The following ALPK2 variants were observed in gnomAD, a reference collection of about 807,000 sequenced individuals.
The protein encoded by ALPK2 is alpha-protein kinase 2.
In ALPK2, 127 loss-of-function variants were observed where a neutral mutation model predicts 163.1. The ratio of observed to expected loss-of-function variants is 0.78; its 90% CI spans 0.67 to 0.90. The LOEUF is 0.90. Among genes scored for constraint, ALPK2 ranks in the 40% least tolerant of loss-of-function variants. ALPK2 has a pLI of 0.00. For synonymous variants in ALPK2, 953 were observed against 959.1 expected, an observed-to-expected ratio of 0.99 and a Z score of 0.12; for missense variants, 2,360 against 2,589.6, an observed-to-expected ratio of 0.91 and a Z score of 1.92.
At chr18:58,516,278 G>A (rs2051521198) in intron 9 of ALPK2, among the ~76,000 whole-genome samples, 1 of 151,766 alleles carries the variant, frequency 6.6e-6, no homozygotes, top group South Asian at 2.1e-4. Context: ...GTGGATAGGA[G>A]GAGGAAGGAG....
At chr18:58,593,132 G>A (rs1259288272) in intron 3 of ALPK2, among the ~76,000 whole-genome samples, 1 of 152,184 alleles carries the variant, frequency 6.6e-6, no homozygotes, top group Non-Finnish European at 1.5e-5. Flanking sequence ...CTATGGACTT[G>A]GGGTGATGAT....
chr18:58,572,200 TCAC>T (rs2051889451), intron 4 of ALPK2, among the ~76,000 whole-genome samples: 1 of 152,146 alleles, frequency 6.6e-6, no homozygotes, highest in Admixed American at 6.5e-5. Context: ...CAATGGGATA[TCAC>T]CACACACATA....
At chr18:58,541,170 G>A (rs2051687669) in intron 4 of ALPK2, among the ~76,000 whole-genome samples, 1 of 152,244 alleles carries the variant, frequency 6.6e-6, no homozygotes, top group African/African-American at 2.4e-5. Context: ...GGTTCCACCG[G>A]CTATACAGGA....
intron 4 of ALPK2, chr18:58,544,585 A>C (rs1305599570): frequency 1.3e-5 from 2 of 152,254 alleles, no homozygotes; most frequent in Non-Finnish European, 2.9e-5. Flanking sequence ...CTAATAGCCA[A>C]GTGGATGAAA....
intron 3 of ALPK2, among the ~76,000 whole-genome samples, chr18:58,605,291 C>T (rs1292071953): frequency 2.0e-5 from 3 of 152,142 alleles, no homozygotes; most frequent in African/African-American, 7.2e-5. Flanking sequence ...TAATTGTGGC[C>T]TATTTTTGCA....
At chr18:58,581,996 A>T (rs561941577) in intron 3 of ALPK2, among the ~76,000 whole-genome samples, 1 of 152,282 alleles carries the variant, frequency 6.6e-6, no homozygotes, top group East Asian at 1.9e-4. Flanking sequence ...CCCAGCTCAC[A>T]TATGTCTCAT....
rs1192567711 is a variant in ALPK2 at position 58,536,699 on chromosome 18, G to A, written c.3488C>T (p.Ala1163Val). ...GGGCACCAAGTTTCTTTCCTCTTGT[G>A]CAGCAGATGTCGTAGGCAAACTTTG... ...FQQSLPTTSAAQEERNLVPTA... is the reference protein window; with the variant it reads ...FQQSLPTTSAVQEERNLVPTA... The change falls in exon 5 of 13, where the codon GCA becomes GTA. Residue 1163 changes from alanine to valine, a missense_variant. Coordinates refer to ENST00000361673, the MANE Select transcript of ALPK2 (RefSeq NM_052947.4). The A allele has an allele frequency of 1.9e-6, 3 of 1,614,042 alleles. No individual in the cohort carries two copies. Among genetic ancestry groups the A allele is most frequent in the Non-Finnish European group, 2.5e-6 (3 of 1,180,020 alleles).
chr18:58,485,765 T>G (rs2051335580), intron 12 of ALPK2, among the ~76,000 whole-genome samples: 1 of 150,686 alleles, frequency 6.6e-6, no homozygotes, highest in Non-Finnish European at 1.5e-5. Context: ...TCAGGATGGA[T>G]GGTTTAATCC....
intron 3 of ALPK2, among the ~76,000 whole-genome samples, chr18:58,606,857 A>T (rs533724511): frequency 6.6e-6 from 1 of 152,232 alleles, no homozygotes; most frequent in Non-Finnish European, 1.5e-5. Flanking sequence ...ATCACTGTAC[A>T]GGACCATACT....
In ALPK2 at chr18:58,537,745, C is replaced by T. The variant is rs3809971; in HGVS notation, c.2442G>A (p.Thr814=). 0.52 allele frequency: 835,336 copies of T among 1,603,916 alleles called. 223,503 individuals carry two copies. Among genetic ancestry groups the T allele is most frequent in the Non-Finnish European group, 0.56 (650,275 of 1,170,996 alleles). Residue 814 remains threonine (T), a synonymous_variant, in exon 5 of 13, where the codon ACG becomes ACA. Transcript: ENST00000361673. ...CAAGAGAATCTATGGTATCAAAACA[C>T]GTTCCTTGGTCACCAGCCTCAAAAC... ...MECFEAGDQG[T]CFDTIDSLVG... is the part of the protein sequence containing the mutation.
chr18:58,522,459 C>T (rs58384003), intron 8 of ALPK2, among the ~76,000 whole-genome samples: 9,050 of 152,246 alleles, frequency 0.059, 589 homozygotes, highest in African/African-American at 0.16. Context: ...ACAGATTCCA[C>T]CAAACTGTGG....
chr18:58,494,894 C>T (rs930254602), intron 12 of ALPK2, among the ~76,000 whole-genome samples: 1 of 152,314 alleles, frequency 6.6e-6, no homozygotes, highest in Admixed American at 6.5e-5. Flanking sequence ...CATGAGTTAT[C>T]TCCCTTTTGC....
At chr18:58,608,584 C>T (rs891017658) in intron 2 of ALPK2, among the ~76,000 whole-genome samples, 3 of 152,204 alleles carry the variant, frequency 2.0e-5, no homozygotes, top group Admixed American at 6.6e-5. Context: ...GTCTTAGGAA[C>T]GTTCTTGTAT....
chr18:58,557,202 G>A (rs2051797588), intron 4 of ALPK2: 1 of 152,332 alleles, frequency 6.6e-6, no homozygotes, highest in East Asian at 1.9e-4. Flanking sequence ...TGTGAGGGTT[G>A]AGGGCCGAGA....
At position 58,578,940 on chromosome 18, in the gene ALPK2, T is replaced by C; in HGVS notation, c.1836A>G (p.Ala612=). The change falls in exon 4 of 13, where the codon GCA becomes GCG. Residue 612 remains alanine (A), a synonymous_variant. Transcript: ENST00000361673. Reference sequence around the variant, plus strand: ...AGTCTGTTGAAGTTTGAAGGGTTTTTGCTTCTTGCTCTGCCTGGGTTGAAA... The same window carrying C: ...AGTCTGTTGAAGTTTGAAGGGTTTTCGCTTCTTGCTCTGCCTGGGTTGAAA... The part of the protein sequence containing the change: ...CAISTQAEQE[A]KTLQTSTDSV... 1.2e-6 allele frequency: 2 copies of C among 1,614,252 alleles called. No individual in the cohort carries two copies. The highest frequency in any genetic ancestry group is 1.7e-6 in the Non-Finnish European group (2 of 1,180,046).
chr18:58,555,993 T>C (rs1460371794), intron 4 of ALPK2, among the ~76,000 whole-genome samples: 1 of 152,112 alleles, frequency 6.6e-6, no homozygotes. Context: ...GGCTAATTTT[T>C]GTATTTTTAG....
At chr18:58,583,262 T>C (rs2051968848) in intron 3 of ALPK2, among the ~76,000 whole-genome samples, 1 of 152,160 alleles carries the variant, frequency 6.6e-6, no homozygotes, top group Admixed American at 6.5e-5. Flanking sequence ...GTGAGTCTTA[T>C]GATCTCTATT....
Position 58,529,116 on chromosome 18 carries a change from T to C in ALPK2, c.5476A>G (p.Lys1826Glu), listed in dbSNP as rs766506168. The C allele has an allele frequency of 2.5e-6, 4 of 1,614,120 alleles. No individual in the cohort carries two copies. The highest frequency in any genetic ancestry group is 3.4e-6 in the Non-Finnish European group (4 of 1,179,990). ...CTTCTCTGCACTTGGGCTATGGACT[T>C]TGAATCTTTTGTCCAGCAGATAGTA... ...DSTICWTKDS[K>E]SIAQVQRSAG... Residue 1826 changes from lysine to glutamate, a missense_variant, in exon 6 of 13, where the codon AAG becomes GAG. Transcript: ENST00000361673.
chr18:58,534,768 A>G (rs1216694131), intron 5 of ALPK2, 66 bp downstream of exon 5: 1 of 1,527,226 alleles, frequency 6.5e-7, no homozygotes, highest in African/African-American at 1.4e-5. Flanking sequence ...CCTCGAGGAC[A>G]CAGGAACTGG....
Sources: allele counts gnomAD v4.1 joint callset (sites outside exome capture counted in the v4.1 genomes callset), GRCh38; gene constraint gnomAD v4.1.1; transcripts MANE v1.5; gene names NCBI Gene and HGNC (gene_info 2026-07-23, HGNC 2026-07-21).